Variants in OXR1 observed in about 807,000 individuals in gnomAD.
OXR1 encodes oxidation resistance protein 1.
Under a neutral mutation model 104.6 loss-of-function variants are expected in OXR1, and 41 were observed. The ratio of observed to expected loss-of-function variants is 0.39; its 90% CI spans 0.31 to 0.51. OXR1 has a LOEUF of 0.51. Among genes scored for constraint, OXR1 ranks in the 20% least tolerant of loss-of-function variants. The pLI, the probability that OXR1 is intolerant of heterozygous loss-of-function variation, is 0.77. For missense variants in OXR1, 955 were observed against 1,031.9 expected, an observed-to-expected ratio of 0.93 and a Z score of 1.02; for synonymous variants, 348 against 348.4, an observed-to-expected ratio of 1.00 and a Z score of 0.01.
chr8:106,534,481 T>C (rs989228017), intron 3 of OXR1, among the ~76,000 whole-genome samples: 6 of 152,278 alleles, frequency 3.9e-5, no homozygotes, highest in African/African-American at 1.4e-4. Context: ...GACCACAAAG[T>C]AGTAATGGAT....
chr8:106,391,055 A>T (rs1327889701), intron 2 of OXR1, among the ~76,000 whole-genome samples: 2 of 152,164 alleles, frequency 1.3e-5, no homozygotes, highest in African/African-American at 2.4e-5. Flanking sequence ...CCTTTAAAAA[A>T]CATAGAAACT....
At chr8:106,409,734 T>C (rs1381446803) in intron 2 of OXR1, among the ~76,000 whole-genome samples, 3 of 152,144 alleles carry the variant, frequency 2.0e-5, no homozygotes, top group Non-Finnish European at 2.9e-5. Context: ...TAGTTACAGT[T>C]GGGCTTAATG....
chr8:106,671,801 C>CTT (rs1827012752), intron 3 of OXR1, among the ~76,000 whole-genome samples: 1 of 126,506 alleles, frequency 7.9e-6, no homozygotes, highest in Admixed American at 9.6e-5. Flanking sequence ...GGGAACATCA[C>CTT]ACACCAGGGC....
intron 3 of OXR1, among the ~76,000 whole-genome samples, chr8:106,658,412 G>A (rs574777352): frequency 3.3e-5 from 5 of 152,022 alleles, no homozygotes; most frequent in Middle Eastern, 3.2e-3. Context: ...TTCCTGCTCT[G>A]CTCTTCCTGC....
chr8:106,699,658 C>G (rs901699342), intron 7 of OXR1, among the ~76,000 whole-genome samples: 4 of 152,120 alleles, frequency 2.6e-5, no homozygotes, highest in Non-Finnish European at 5.9e-5. Flanking sequence ...ATTTAAAGAT[C>G]AAAGCAAAGA....
At chr8:106,283,701 G>T (rs1812380251) in intron 1 of OXR1, among the ~76,000 whole-genome samples, 1 of 152,134 alleles carries the variant, frequency 6.6e-6, no homozygotes, top group Admixed American at 6.5e-5. Context: ...CCATTTTAAA[G>T]CTAAACTTCC....
rs71307084 is a variant in OXR1 at position 106,704,393 on chromosome 8, C to CTTTTTTTTTTTTTT, written c.860+1321_860+1334dup. 5.8e-4 allele frequency among the ~76,000 whole-genome samples: 28 copies of CTTTTTTTTTTTTTT among 47,888 alleles called. 1 individual carries two copies. Among genetic ancestry groups the CTTTTTTTTTTTTTT allele is most frequent in the South Asian group, 2.0e-3 (2 of 986 alleles). 31.4% of individuals were successfully genotyped at this position (47,888 alleles called of 152,430 possible). A position where few individuals can be genotyped will look rare whatever the true frequency, so the allele number is the denominator to read the frequency against. ...TTTTTCTTTTTCTTTCTTTCTTCTT[C>CTTTTTTTTTTTTTT]TTTTTTTTTTTTTTTTTTTTTTTTT... is the stretch of plus-strand genomic sequence containing the variant. On this transcript the variant is annotated intron_variant, in intron 8 of 16. Coordinates refer to ENST00000517566, the MANE Select transcript of OXR1 (RefSeq NM_001198533.2).
chr8:106,346,105 CT>C (rs67487769), intron 1 of OXR1, among the ~76,000 whole-genome samples: 9 of 55,984 alleles, frequency 1.6e-4, no homozygotes, highest in South Asian at 1.5e-3. Context: ...TCCACCCCCC[CT>C]ACCGCCGCCA....
chr8:106,675,464 C>G (rs188992162), intron 3 of OXR1, among the ~76,000 whole-genome samples: 1 of 152,258 alleles, frequency 6.6e-6, no homozygotes. Context: ...TTAACACTAT[C>G]TTAGCTGTGT....
At chr8:106,398,328 T>C (rs1460791964) in intron 2 of OXR1, among the ~76,000 whole-genome samples, 1 of 152,078 alleles carries the variant, frequency 6.6e-6, no homozygotes, top group Non-Finnish European at 1.5e-5. Context: ...TCTTTAGAGA[T>C]TTAGATTTAT....
chr8:106,697,022 C>T (rs564358200), intron 7 of OXR1, among the ~76,000 whole-genome samples: 1 of 152,264 alleles, frequency 6.6e-6, no homozygotes, highest in South Asian at 2.1e-4. Context: ...AGAAGCAAGG[C>T]CAGTCCAGCA....
intron 2 of OXR1, among the ~76,000 whole-genome samples, chr8:106,517,161 T>G (rs757841764): frequency 6.6e-6 from 1 of 152,148 alleles, no homozygotes; most frequent in Non-Finnish European, 1.5e-5. Context: ...AACAAAACAT[T>G]ACCAGAATCC....
chr8:106,595,550 C>CAAAAAAAAA (rs67790797), intron 3 of OXR1, among the ~76,000 whole-genome samples: 2 of 60,736 alleles, frequency 3.3e-5, no homozygotes, highest in South Asian at 7.2e-4. Flanking sequence ...AACTCCGTCT[C>CAAAAAAAAA]AAAAAAAAAA....
At chr8:106,472,064 A>G (rs2130682101) in intron 2 of OXR1, among the ~76,000 whole-genome samples, 1 of 151,822 alleles carries the variant, frequency 6.6e-6, no homozygotes, top group South Asian at 2.1e-4. Flanking sequence ...GTTTGTTGTT[A>G]TGTCTCTTTA....
chr8:106,368,342 C>T (rs1028241690), intron 2 of OXR1, among the ~76,000 whole-genome samples: 6 of 152,036 alleles, frequency 3.9e-5, no homozygotes, highest in African/African-American at 1.4e-4. Flanking sequence ...TTAAGAGATT[C>T]AACAAATCTG....
chr8:106,655,142 T>C (rs987140360), intron 3 of OXR1, among the ~76,000 whole-genome samples: 1 of 152,048 alleles, frequency 6.6e-6, no homozygotes, highest in Non-Finnish European at 1.5e-5. Context: ...CAAGTGTGAC[T>C]GGGGAGTGAC....
intron 2 of OXR1, among the ~76,000 whole-genome samples, chr8:106,504,810 A>C (rs1415775157): frequency 1.3e-5 from 2 of 152,192 alleles, no homozygotes; most frequent in Non-Finnish European, 2.9e-5. Flanking sequence ...TGCAATTAGA[A>C]GTACATATAT....
At chr8:106,555,075 C>T (rs918138386) in intron 3 of OXR1, among the ~76,000 whole-genome samples, 2 of 152,158 alleles carry the variant, frequency 1.3e-5, no homozygotes, top group African/African-American at 4.8e-5. Context: ...GAATACAATA[C>T]ATTAACTATA....
chr8:106,424,524 G>GT, intron 2 of OXR1, among the ~76,000 whole-genome samples: 1 of 152,032 alleles, frequency 6.6e-6, no homozygotes. Context: ...TATTTAACCA[G>GT]TCATTTTGGT....
Sources: allele counts gnomAD v4.1 joint callset (sites outside exome capture counted in the v4.1 genomes callset), GRCh38; gene constraint gnomAD v4.1.1; transcripts MANE v1.5; gene names NCBI Gene and HGNC (gene_info 2026-07-23, HGNC 2026-07-21).